The following CFAP58 variants were observed in gnomAD, a reference collection of about 807,000 sequenced individuals.
CFAP58 encodes the protein cilia- and flagella-associated protein 58.
Under a neutral mutation model 119.5 loss-of-function variants are expected in CFAP58, and 88 were observed. That is an observed-to-expected ratio of 0.74 (90% CI 0.62 to 0.88). The LOEUF (loss-of-function observed/expected upper bound fraction) is 0.88. Ranked by LOEUF, CFAP58 falls within the 40% of genes least tolerant of loss-of-function variation. The probability of loss-of-function intolerance (pLI) is 0.00; values close to 1 mark genes in which losing one functional copy is unlikely to be tolerated. For missense variants in CFAP58, 990 were observed against 1,021.2 expected, an observed-to-expected ratio of 0.97 and a Z score of 0.42; for synonymous variants, 365 against 366.3, an observed-to-expected ratio of 1.00 and a Z score of 0.04.
chr10:104,437,136 C>T lies in CFAP58; in HGVS notation c.2257-10562C>T, dbSNP rs114815563. 5.9e-3 allele frequency among the ~76,000 whole-genome samples: 892 copies of T among 152,274 alleles called. 9 individuals carry two copies. The highest frequency in any genetic ancestry group is 0.02 in the African/African-American group (846 of 41,536). ...ACTGACACTTCTGAACCTCAACTTC[C>T]TCATCTGGAAAATAGGGATAACAAC... On this transcript the variant is annotated intron_variant, in intron 15 of 17. Coordinates refer to ENST00000369704, the MANE Select transcript of CFAP58 (RefSeq NM_001008723.2).
chr10:104,364,612 T>C lies in CFAP58; in HGVS notation c.441-121T>C, dbSNP rs1369304030. 4 of 799,170 alleles carry C rather than the reference T, an allele frequency of 5.0e-6. No homozygotes were observed. The African/African-American group carries it at 5.4e-5, about 11-fold the overall frequency. 49.5% of individuals were successfully genotyped at this position (799,170 alleles called of 1,614,324 possible). A position where few individuals can be genotyped will look rare whatever the true frequency, so the allele number is the denominator to read the frequency against. On this transcript the variant is annotated intron_variant, in intron 3 of 17. Coordinates refer to ENST00000369704, the MANE Select transcript of CFAP58 (RefSeq NM_001008723.2). ...ATGGCATAAAGATCTTTCTCTTTAA[T>C]GTCTGAATAGTGTTAATCATTGACC...
intron 15 of CFAP58, among the ~76,000 whole-genome samples, chr10:104,412,371 C>T (rs1161642835): frequency 6.6e-6 from 1 of 151,928 alleles, no homozygotes; most frequent in Non-Finnish European, 1.5e-5. Context: ...TTCCAGGCCT[C>T]CAAAGTTTAA....
intron 7 of CFAP58, among the ~76,000 whole-genome samples, chr10:104,372,412 T>C (rs1181143722): frequency 6.6e-6 from 1 of 152,134 alleles, no homozygotes; most frequent in Non-Finnish European, 1.5e-5. Flanking sequence ...TAGGTCTTTG[T>C]AGATATTTTT....
At chr10:104,403,708 A>T in intron 13 of CFAP58, 21 bp from the exon 14 acceptor site, 2 of 1,544,656 alleles carry the variant, frequency 1.3e-6, no homozygotes, top group Non-Finnish European at 1.8e-6. Context: ...TTCTTTGCAA[A>T]ATCAAGTTTG....
intron 2 of CFAP58, among the ~76,000 whole-genome samples, chr10:104,360,480 C>CT (rs2014651460): frequency 6.6e-6 from 1 of 150,972 alleles, no homozygotes; most frequent in Admixed American, 6.6e-5. Context: ...GTGTCACACA[C>CT]TTTTTAAAAA....
rs1004119349 is a variant in CFAP58, at chr10:104,414,480, G to A, written c.2256+7687G>A. Among the ~76,000 whole-genome samples, 3 of 152,024 alleles carry A rather than the reference G, an allele frequency of 2.0e-5. No individual in the cohort carries two copies. The East Asian group carries it at 5.8e-4, about 29-fold the overall frequency. On this transcript the variant is annotated intron_variant, in intron 15 of 17. Coordinates refer to ENST00000369704, the MANE Select transcript of CFAP58 (RefSeq NM_001008723.2). ...AAAGGGAAAGAGGGAGGGAGGAGAA[G>A]GTTCAGGCTGTAGGTGCTATGCAGC... is the stretch of plus-strand genomic sequence containing the variant.
At chr10:104,399,323 G>A (rs779128183) in intron 11 of CFAP58, 37 bp from the exon 12 acceptor site, 43 of 1,608,506 alleles carry the variant, frequency 2.7e-5, no homozygotes, top group Middle Eastern at 1.7e-4. Flanking sequence ...GTGCTGTAAC[G>A]AATTGAAATT....
At chr10:104,374,658 T>C (rs930304813) in intron 7 of CFAP58, among the ~76,000 whole-genome samples, 3 of 151,946 alleles carry the variant, frequency 2.0e-5, no homozygotes, top group Non-Finnish European at 2.9e-5. Flanking sequence ...TATCAGACTG[T>C]CAAAGATCAA....
chr10:104,380,236 A>G lies in CFAP58; in HGVS notation c.1365+16A>G. Reference sequence around the variant, plus strand: ...TACGCAAAAGGTAAGCTGCTCAGTGATGTTGTGGGTGGAGCAGAGGCACAT... The same window carrying G: ...TACGCAAAAGGTAAGCTGCTCAGTGGTGTTGTGGGTGGAGCAGAGGCACAT... On this transcript the variant is annotated intron_variant, in intron 9 of 17. Coordinates refer to ENST00000369704, the MANE Select transcript of CFAP58 (RefSeq NM_001008723.2). 6.2e-7 allele frequency: 1 copy of G among 1,609,888 alleles called. No individual in the cohort carries two copies. Among genetic ancestry groups the G allele is most frequent in the Non-Finnish European group, 8.5e-7 (1 of 1,177,422 alleles).
chr10:104,447,709 A>T lies in CFAP58; in HGVS notation c.2268A>T (p.Lys756Asn), dbSNP rs779615349. The change falls in exon 16 of 18, where the codon AAA (lysine) becomes AAT (asparagine). Residue 756 changes from lysine (K) to asparagine (N), a missense_variant. Coordinates refer to ENST00000369704, the MANE Select transcript of CFAP58 (RefSeq NM_001008723.2). ...CTGCTCTCCACTAGGAAAAGGAGAA[A>T]CTCTACATGGAACTAAAGCACGTCT... Reference protein sequence around the residue: ...EKELLLQEKEKLYMELKHVLA... With the variant: ...EKELLLQEKENLYMELKHVLA... The T allele has an allele frequency of 1.2e-6, 2 of 1,613,908 alleles. No individual in the cohort carries two copies. The highest frequency in any genetic ancestry group is 4.5e-5 in the East Asian group (2 of 44,850).
chr10:104,427,450 A>G (rs1000179163), intron 15 of CFAP58, among the ~76,000 whole-genome samples: 1 of 152,198 alleles, frequency 6.6e-6, no homozygotes, highest in Non-Finnish European at 1.5e-5. Context: ...GCAATTTTAT[A>G]TATATTGTCT....
In CFAP58 at chr10:104,450,176, G is replaced by T; in HGVS notation, c.2482G>T (p.Ala828Ser). The change falls in exon 17 of 18, where the codon GCT becomes TCT. Residue 828 changes from alanine (A) to serine (S), a missense_variant. Physicochemically the swap from Ala to Ser is moderately conservative, Grantham distance 99. Transcript: ENST00000369704. ...CCAGAATTTAAAGAAGAAATACCTCGCTCAGAAACGTAAAGAACAACTTCA... is the reference window on the plus strand; with the variant it reads ...CCAGAATTTAAAGAAGAAATACCTCTCTCAGAAACGTAAAGAACAACTTCA... ...ELQNLKKKYL[A>S]QKRKEQLQKN... is the part of the protein sequence containing the mutation. The T allele has an allele frequency of 1.2e-6, 2 of 1,612,922 alleles. No individual in the cohort carries two copies. Among genetic ancestry groups the T allele is most frequent in the Non-Finnish European group, 1.7e-6 (2 of 1,179,724 alleles).
At chr10:104,345,873 C>A in the CFAP58 span, among the ~76,000 whole-genome samples, 1 of 152,050 alleles carries the variant, frequency 6.6e-6, no homozygotes, top group Non-Finnish European at 1.5e-5. Context: ...AAAGCATTGG[C>A]CCATCATCAA....
chr10:104,412,547 A>G (rs1220263911), intron 15 of CFAP58, among the ~76,000 whole-genome samples: 1 of 152,132 alleles, frequency 6.6e-6, no homozygotes, highest in Non-Finnish European at 1.5e-5. Context: ...CAGTTTCTCA[A>G]TTTCATCTTT....
intron 5 of CFAP58, 143 bp from the exon 6 acceptor site, chr10:104,368,280 C>A (rs551057117): frequency 1.5e-6 from 1 of 681,572 alleles, no homozygotes; most frequent in East Asian, 2.8e-5. Flanking sequence ...GTGCTTTCAT[C>A]GGGAATAAAG....
chr10:104,357,838 CACATATGTACACATATAT>C lies in CFAP58; in HGVS notation c.10-499_10-482del, dbSNP rs1564875474. On this transcript the variant is annotated intron_variant, in intron 1 of 17. Coordinates refer to ENST00000369704, the MANE Select transcript of CFAP58 (RefSeq NM_001008723.2). ...ATGTACATATATACACATATATGTA[CACATATGTACACATATAT>C]ACACATATATACACATATATGTACA... 1.3e-3 allele frequency among the ~76,000 whole-genome samples: 92 copies of C among 71,960 alleles called. 2 individuals carry two copies. Among genetic ancestry groups the C allele is most frequent in the African/African-American group, 4.9e-3 (70 of 14,208 alleles). The allele number at this position is 71,960 out of a possible 152,430, so 47.2% of individuals were successfully genotyped here. A position where few individuals can be genotyped will look rare whatever the true frequency, so the allele number is the denominator to read the frequency against.
chr10:104,438,624 C>G (rs1480113878), intron 15 of CFAP58, among the ~76,000 whole-genome samples: 1 of 152,152 alleles, frequency 6.6e-6, no homozygotes, highest in African/African-American at 2.4e-5. Flanking sequence ...ATCCACCCAC[C>G]TCGGCCTCCC....
chr10:104,342,788 C>G, the CFAP58 span, among the ~76,000 whole-genome samples: 1 of 146,652 alleles, frequency 6.8e-6, no homozygotes, highest in Non-Finnish European at 1.5e-5. Flanking sequence ...GAGGTTGCAG[C>G]GACCCGAGAT....
chr10:104,416,210 G>T (rs879778640), intron 15 of CFAP58, among the ~76,000 whole-genome samples: 50 of 152,210 alleles, frequency 3.3e-4, no homozygotes, highest in Non-Finnish European at 6.0e-4. Context: ...CGTTCGGGGG[G>T]TTTTGATGAG....
Sources: gnomAD v4.1 joint callset for allele counts (sites outside exome capture counted in the v4.1 genomes callset) on GRCh38, gnomAD v4.1.1 for gene constraint, MANE v1.5 for transcripts, NCBI Gene and HGNC (gene_info 2026-07-23, HGNC 2026-07-21) for gene names.